The following PARP1 variants were observed in gnomAD, a reference collection of about 807,000 sequenced individuals.
PARP1 encodes poly [ADP-ribose] polymerase 1.
In PARP1, 44 loss-of-function variants were observed where a neutral mutation model predicts 118.7. The ratio of observed to expected loss-of-function variants is 0.37; its 90% confidence interval spans 0.29 to 0.48. PARP1 has a LOEUF of 0.48. Ranked by LOEUF, PARP1 falls within the 20% of genes least tolerant of loss-of-function variation. The pLI, the probability that PARP1 is intolerant of heterozygous loss-of-function variation, is 0.99. For missense variants in PARP1, 1,100 were observed against 1,272.4 expected, an observed-to-expected ratio of 0.86 and a Z score of 2.06; for synonymous variants, 492 against 483.2, an observed-to-expected ratio of 1.02 and a Z score of -0.24.
At chr1:226,399,737 G>C (rs1397424575) in intron 2 of PARP1, among the ~76,000 whole-genome samples, 1 of 152,200 alleles carries the variant, frequency 6.6e-6, no homozygotes, top group East Asian at 1.9e-4. Flanking sequence ...ATAACGATGT[G>C]TCAATGTAGC....
At chr1:226,368,853 G>A (rs1305691133) in intron 15 of PARP1, among the ~76,000 whole-genome samples, 3 of 152,216 alleles carry the variant, frequency 2.0e-5, no homozygotes, top group Non-Finnish European at 2.9e-5. Context: ...CACTGCCAGT[G>A]TCACTTGGTG....
intron 9 of PARP1, among the ~76,000 whole-genome samples, chr1:226,380,456 T>C (rs1576396197): frequency 2.6e-5 from 4 of 152,352 alleles, no homozygotes; most frequent in Admixed American, 2.6e-4. Context: ...CTGTATTCTA[T>C]TTCTCTGGTT....
At position 226,363,994 on chromosome 1, in the gene PARP1, T is replaced by C. The variant is rs2102726191; in HGVS notation, c.2735A>G (p.Gln912Arg). Residue 912 changes from glutamine to arginine, a missense_variant, in exon 20 of 23, where the codon CAG (glutamine) becomes CGG (arginine). Gln to Arg is a conservative substitution (Grantham distance 43). Around this residue, in one of 2 missense-constraint regions of PARP1, gnomAD observed 152 missense variants for 240.6 expected, o/e 0.63. Transcript: ENST00000366794. ...CAGGATTAAGCCTATTGGGTCTCCC[T>C]GAGACGTATGGCAGTAGTTGGCACT... ...SKSANYCHTS[Q>R]GDPIGLILLG... 1 of 1,613,954 alleles carries C rather than the reference T, an allele frequency of 6.2e-7. No individual in the cohort carries two copies. Among genetic ancestry groups the C allele is most frequent in the Non-Finnish European group, 8.5e-7 (1 of 1,179,800 alleles).
At chr1:226,401,441 A>G (rs1665035440) in intron 2 of PARP1, among the ~76,000 whole-genome samples, 1 of 152,256 alleles carries the variant, frequency 6.6e-6, no homozygotes, top group Admixed American at 6.5e-5. Flanking sequence ...TAAGGGGCAG[A>G]CTATGCAGAC....
rs1378610966 is a variant in PARP1, at chr1:226,363,087, G to C, written c.2848+12C>G. On this transcript the variant is annotated intron_variant, in intron 21 of 22. Coordinates refer to ENST00000366794, the MANE Select transcript of PARP1 (RefSeq NM_001618.4). ...GCCTCGGGCTGTAGCAACAGCTTTG[G>C]AAACACTTTACCTTTGACACTGTGC... 1 of 1,608,796 alleles carries C rather than the reference G, an allele frequency of 6.2e-7. No individual in the cohort carries two copies. Among genetic ancestry groups the C allele is most frequent in the Non-Finnish European group, 8.5e-7 (1 of 1,175,332 alleles).
chr1:226,401,773 C>G (rs941205031), intron 2 of PARP1, among the ~76,000 whole-genome samples: 1 of 152,118 alleles, frequency 6.6e-6, no homozygotes, highest in Non-Finnish European at 1.5e-5. Context: ...TTTGTCCAAA[C>G]CCATAGAATG....
chr1:226,362,988 C>T, intron 21 of PARP1, 111 bp downstream of exon 21: 1 of 789,988 alleles, frequency 1.3e-6, no homozygotes, highest in Non-Finnish European at 2.3e-6. Context: ...AAATGAATCT[C>T]CAGCTGTTTG....
chr1:226,367,190 A>AC (rs1664287909), intron 17 of PARP1: 2 of 456,188 alleles, frequency 4.4e-6, no homozygotes, highest in East Asian at 8.8e-5. Flanking sequence ...AAACAAACAA[A>AC]AAAGAACTTT....
intron 2 of PARP1, among the ~76,000 whole-genome samples, chr1:226,395,251 T>C (rs1320569852): frequency 6.6e-6 from 1 of 152,184 alleles, no homozygotes; most frequent in Non-Finnish European, 1.5e-5. Flanking sequence ...GGAATTACCA[T>C]GATTCAGTGA....
chr1:226,393,724 C>A (rs1226679413), intron 2 of PARP1, among the ~76,000 whole-genome samples: 2 of 152,174 alleles, frequency 1.3e-5, no homozygotes, highest in African/African-American at 2.4e-5. Context: ...AGAAAAACTA[C>A]AAGGGAACTT....
At chr1:226,366,082 A>C in intron 17 of PARP1, 30 bp from the exon 18 acceptor site, 1 of 1,451,684 alleles carries the variant, frequency 6.9e-7, no homozygotes. Flanking sequence ...GGATTAGCAC[A>C]AAAGAGACCC....
At position 226,390,590 on chromosome 1, in the gene PARP1, G is replaced by C. The variant is rs757712451; in HGVS notation, c.437C>G (p.Pro146Arg). ...QVRLSKKMVDPEKPQLGMIDR... is the reference protein window; with the variant it reads ...QVRLSKKMVDREKPQLGMIDR... ...AATCATGCCTAGCTGTGGCTTCTCC[G>C]GGTCCACCATCTTCTTGGACAGGCG... is the stretch of plus-strand genomic sequence containing the variant. The change falls in exon 4 of 23, where the codon CCG becomes CGG. Residue 146 changes from proline (P) to arginine (R), a missense_variant. This residue lies in a region of PARP1 where 948 missense variants were observed against 1,031.8 expected (regional missense o/e 0.92). Coordinates refer to ENST00000366794, the MANE Select transcript of PARP1 (RefSeq NM_001618.4). The C allele has an allele frequency of 1.2e-6, 2 of 1,614,042 alleles. No individual in the cohort carries two copies. The highest frequency in any genetic ancestry group is 2.2e-5 in the East Asian group (1 of 44,878).
chr1:226,400,299 G>A (rs1368327433), intron 2 of PARP1, among the ~76,000 whole-genome samples: 3 of 151,280 alleles, frequency 2.0e-5, no homozygotes, highest in East Asian at 1.9e-4. Flanking sequence ...ACTCCATCTC[G>A]AAAACAAAAC....
chr1:226,380,977 C>T lies in PARP1; in HGVS notation c.1300+91G>A, dbSNP rs550124253. 2.1e-4 allele frequency: 301 copies of T among 1,425,974 alleles called. 1 individual carries two copies. Among genetic ancestry groups the T allele is most frequent in the East Asian group, 3.6e-4 (16 of 44,016 alleles). 88.3% of individuals were successfully genotyped at this position (1,425,974 alleles called of 1,614,324 possible). A position where few individuals can be genotyped will look rare whatever the true frequency, so the allele number is the denominator to read the frequency against. ...ATGATGTTAAGATCCAGTTTTTCAG[C>T]GCTGTGTTCGACTCTTCCTCACTTA... On this transcript the variant is annotated intron_variant, in intron 9 of 22. Transcript: ENST00000366794.
chr1:226,407,718 C>T lies in PARP1; in HGVS notation c.120+92G>A, dbSNP rs2102750142. On this transcript the variant is annotated intron_variant, in intron 1 of 22. Coordinates refer to ENST00000366794, the MANE Select transcript of PARP1 (RefSeq NM_001618.4). ...GCCGCTCCGAGGGCCCGGGCCCGCT[C>T]GCTCCCTGGGCCCGCCCTCCCCCAG... is the stretch of plus-strand genomic sequence containing the variant. 4 of 1,337,282 alleles carry T rather than the reference C, an allele frequency of 3.0e-6. No homozygotes were observed. The South Asian group carries it at 5.2e-5, about 18-fold the overall frequency. The allele number at this position is 1,337,282 out of a possible 1,614,324, so 82.8% of individuals were successfully genotyped here.
At chr1:226,398,008 C>T (rs577510158) in intron 2 of PARP1, among the ~76,000 whole-genome samples, 32 of 150,402 alleles carry the variant, frequency 2.1e-4, no homozygotes, top group African/African-American at 7.6e-4. Flanking sequence ...ACAGACCTTA[C>T]ACCCTTCACA....
At chr1:226,365,926 A>AG in intron 18 of PARP1, 28 bp downstream of exon 18, 1 of 1,458,540 alleles carries the variant, frequency 6.9e-7, no homozygotes, top group African/African-American at 1.4e-5. Flanking sequence ...AGGACACAGA[A>AG]GGAAGTGGGG....
At chr1:226,400,776 T>G (rs1040491980) in intron 2 of PARP1, among the ~76,000 whole-genome samples, 8 of 152,160 alleles carry the variant, frequency 5.3e-5, no homozygotes, top group Admixed American at 6.5e-5. Context: ...CCACAGCACC[T>G]CCAGCGAGCT....
rs957288309 is a variant in PARP1 at position 226,361,395 on chromosome 1, G to A, written c.*65C>T. The A allele has an allele frequency of 9.6e-7, 1 of 1,043,642 alleles. No individual in the cohort carries two copies. Among genetic ancestry groups the A allele is most frequent in the Admixed American group, 1.8e-5 (1 of 56,730 alleles). 64.6% of individuals were successfully genotyped at this position (1,043,642 alleles called of 1,614,324 possible). On this transcript the variant is annotated 3_prime_UTR_variant, in exon 23 of 23. Coordinates refer to ENST00000366794, the MANE Select transcript of PARP1 (RefSeq NM_001618.4). ...AGCAACTTAGCGGCCAGGTGAGTTG[G>A]TGCAGAAGCGCTTCGGGTGAATTCA...
Sources: allele counts gnomAD v4.1 joint callset (sites outside exome capture counted in the v4.1 genomes callset), GRCh38; gene constraint gnomAD v4.1.1; regional missense constraint gnomAD v4.1.1; transcripts MANE v1.5; gene names NCBI Gene and HGNC (gene_info 2026-07-23, HGNC 2026-07-21).